The following DPYD variants were observed in gnomAD, a reference collection of about 807,000 sequenced individuals.
DPYD encodes the protein dihydropyrimidine dehydrogenase [NADP(+)].
A neutral mutation model predicts 116.2 loss-of-function variants in DPYD; 109 were observed. The observed-to-expected ratio is 0.94, with a 90% CI of 0.80 to 1.10. DPYD has a LOEUF of 1.10. Among genes scored for constraint, DPYD ranks in the 50% least tolerant of loss-of-function variants. DPYD has a pLI of 0.00. For synonymous variants in DPYD, 440 were observed against 432.0 expected (o/e 1.02, Z -0.23); for missense variants, 1,302 against 1,254.5 (o/e 1.04, Z -0.57).
At chr1:97,686,687 C>G (rs1425850974) in intron 7 of DPYD, among the ~76,000 whole-genome samples, 1 of 105,750 alleles carries the variant, frequency 9.5e-6, no homozygotes, top group Non-Finnish European at 2.1e-5. Context: ...AAACCCAAAA[C>G]TATAAAACTC....
chr1:97,442,316 T>G (rs971419027), intron 14 of DPYD, among the ~76,000 whole-genome samples: 2 of 150,648 alleles, frequency 1.3e-5, no homozygotes, highest in African/African-American at 4.9e-5. Context: ...CTAAGATTTT[T>G]GTTGTTGTTT....
chr1:97,194,593 CT>C (rs1658616504), intron 19 of DPYD, among the ~76,000 whole-genome samples: 2 of 152,022 alleles, frequency 1.3e-5, no homozygotes, highest in African/African-American at 4.8e-5. Context: ...TGACCTCCAC[CT>C]CCCGGGTTCA....
At chr1:97,471,256 T>A (rs952423882) in intron 13 of DPYD, among the ~76,000 whole-genome samples, 1 of 151,862 alleles carries the variant, frequency 6.6e-6, no homozygotes, top group African/African-American at 2.4e-5. Context: ...AAGGGGTCAA[T>A]AGGGAAATTA....
At chr1:97,522,154 C>T (rs1648727784) in intron 12 of DPYD, among the ~76,000 whole-genome samples, 1 of 152,144 alleles carries the variant, frequency 6.6e-6, no homozygotes, top group Non-Finnish European at 1.5e-5. Flanking sequence ...TGTAGTCTAT[C>T]CATCTGACAA....
intron 13 of DPYD, among the ~76,000 whole-genome samples, chr1:97,486,398 G>A (rs1183846123): frequency 2.0e-5 from 3 of 152,040 alleles, no homozygotes; most frequent in Non-Finnish European, 2.9e-5. Flanking sequence ...TTGAAAGTTG[G>A]GGCCTCCAAA....
chr1:97,857,957 T>C (rs1026409277), intron 2 of DPYD, among the ~76,000 whole-genome samples: 3 of 151,948 alleles, frequency 2.0e-5, no homozygotes, highest in African/African-American at 7.2e-5. Context: ...TGGGGCTTCT[T>C]GGTCAAACAA....
intron 8 of DPYD, among the ~76,000 whole-genome samples, chr1:97,629,874 T>C (rs1571089861): frequency 6.6e-6 from 1 of 152,124 alleles, no homozygotes; most frequent in Non-Finnish European, 1.5e-5. Flanking sequence ...CTGTGAGAAT[T>C]GAATAAAATA....
At chr1:97,838,740 G>A (rs1669897329) in intron 2 of DPYD, among the ~76,000 whole-genome samples, 1 of 152,172 alleles carries the variant, frequency 6.6e-6, no homozygotes, top group Non-Finnish European at 1.5e-5. Context: ...AGGTACTTGG[G>A]AGGCTGAGGC....
At chr1:97,853,878 T>C (rs1440881924) in intron 2 of DPYD, among the ~76,000 whole-genome samples, 4 of 152,108 alleles carry the variant, frequency 2.6e-5, no homozygotes, top group Non-Finnish European at 4.4e-5. Flanking sequence ...AACCAGTCCA[T>C]GTGGAGGCAA....
chr1:97,856,408 T>G (rs1670849004), intron 2 of DPYD: 1 of 151,844 alleles, frequency 6.6e-6, no homozygotes, highest in African/African-American at 2.4e-5. Context: ...TAAAAGTTTT[T>G]AGAAAAAAAA....
At chr1:97,125,506 T>A (rs1252996499) in intron 20 of DPYD, among the ~76,000 whole-genome samples, 1 of 152,072 alleles carries the variant, frequency 6.6e-6, no homozygotes, top group Admixed American at 6.6e-5. Context: ...TGCTGAATAC[T>A]TGCAAAGGCC....
rs562978095 is a variant in DPYD, at chr1:97,559,151, T to C, written c.1340-9407A>G. Among the ~76,000 whole-genome samples the C allele has an allele frequency of 5.3e-5, 8 of 152,250 alleles. No homozygotes were observed. In the East Asian group the frequency reaches 1.5e-3, roughly 29 times the overall value. ...AGTGAAAAAATAGCGTATTGAAATA[T>C]TTTTTGTATACTTCTCAGCAAACAA... is the stretch of plus-strand genomic sequence containing the variant. On this transcript the variant is annotated intron_variant, in intron 11 of 22. Coordinates refer to ENST00000370192, the MANE Select transcript of DPYD (RefSeq NM_000110.4).
chr1:97,375,797 A>G (rs2101531155), intron 15 of DPYD, among the ~76,000 whole-genome samples: 1 of 152,380 alleles, frequency 6.6e-6, no homozygotes, highest in Admixed American at 6.5e-5. Flanking sequence ...GTATACACTT[A>G]TAACATGTTT....
intron 18 of DPYD, among the ~76,000 whole-genome samples, chr1:97,256,762 C>T (rs573905593): frequency 1.8e-4 from 28 of 152,052 alleles, no homozygotes; most frequent in Non-Finnish European, 3.4e-4. Context: ...CTTACCTCTC[C>T]CCTCTCCTCA....
At chr1:97,488,701 A>G (rs977122245) in intron 13 of DPYD, among the ~76,000 whole-genome samples, 1 of 152,192 alleles carries the variant, frequency 6.6e-6, no homozygotes, top group Non-Finnish European at 1.5e-5. Context: ...CCACAAGACA[A>G]GACATGTCCA....
At chr1:97,706,119 A>C (rs888248010) in intron 5 of DPYD, among the ~76,000 whole-genome samples, 9 of 151,994 alleles carry the variant, frequency 5.9e-5, no homozygotes, top group African/African-American at 2.2e-4. Flanking sequence ...CCCACTTAGA[A>C]TATGTTATAT....
At chr1:97,901,190 A>T (rs1378945868) in intron 1 of DPYD, among the ~76,000 whole-genome samples, 2 of 151,804 alleles carry the variant, frequency 1.3e-5, no homozygotes, top group African/African-American at 4.8e-5. Context: ...GAAGTAACAG[A>T]GATTCTTAAC....
chr1:97,385,349 A>C (rs920677037), intron 14 of DPYD, among the ~76,000 whole-genome samples: 1 of 149,374 alleles, frequency 6.7e-6, no homozygotes, highest in African/African-American at 2.5e-5. Flanking sequence ...CTTATTTGAA[A>C]GGAAAAATCA....
chr1:97,725,813 TG>T (rs1217931428), intron 4 of DPYD, among the ~76,000 whole-genome samples: 1 of 151,558 alleles, frequency 6.6e-6, no homozygotes, highest in Non-Finnish European at 1.5e-5. Context: ...ATCATAGATC[TG>T]GGGGTCTGAG....
Sources: gnomAD v4.1 joint callset for allele counts (sites outside exome capture counted in the v4.1 genomes callset) on GRCh38, gnomAD v4.1.1 for gene constraint, MANE v1.5 for transcripts, NCBI Gene and HGNC (gene_info 2026-07-23, HGNC 2026-07-21) for gene names.